MYOF: variants seen among roughly 807,000 people sequenced by gnomAD.
The protein encoded by MYOF is fer-1-like 3, myoferlin.
Under a neutral mutation model 284.2 loss-of-function variants are expected in MYOF, and 244 were observed. That is an observed-to-expected ratio of 0.86 (90% confidence interval 0.77 to 0.95). The LOEUF is 0.95. Ranked by LOEUF, MYOF falls within the 40% of genes least tolerant of loss-of-function variation. MYOF has a pLI of 0.00. For synonymous variants in MYOF, 904 were observed against 919.7 expected (o/e 0.98, Z 0.31); for missense variants, 2,496 against 2,560.6 (o/e 0.97, Z 0.54).
intron 1 of MYOF, 41 bp from the exon 2 acceptor site, chr10:93,456,978 A>C (rs765751553): frequency 1.2e-5 from 18 of 1,503,716 alleles, no homozygotes; most frequent in Admixed American, 7.3e-5. Context: ...TCATTTATAA[A>C]AAAATTAAAG....
chr10:93,336,964 G>C (rs904565763), intron 40 of MYOF, among the ~76,000 whole-genome samples: 1 of 150,824 alleles, frequency 6.6e-6, no homozygotes, highest in Non-Finnish European at 1.5e-5. Flanking sequence ...AGACAGGCAG[G>C]CAGGAGGAAA....
rs73319687 is a variant in MYOF, at chr10:93,402,809, T to C, written c.874+51A>G. ...TTGATTCTTAGAATCATCTTCAGAG[T>C]TAGAAGGAATGAATTTAAGACTTCA... On this transcript the variant is annotated intron_variant, in intron 10 of 53. Transcript: ENST00000359263. The C allele has an allele frequency of 4.6e-4, 697 of 1,510,768 alleles. 4 individuals carry two copies. In the African/African-American group the frequency reaches 8.5e-3, roughly 18 times the overall value. 93.6% of individuals were successfully genotyped at this position (1,510,768 alleles called of 1,614,324 possible).
chr10:93,380,957 T>C (rs1183518221), intron 20 of MYOF, among the ~76,000 whole-genome samples: 2 of 152,196 alleles, frequency 1.3e-5, no homozygotes, highest in Non-Finnish European at 2.9e-5. Flanking sequence ...GGGTCTTACA[T>C]GGCAAAACCA....
chr10:93,441,196 G>A (rs1467808868), intron 3 of MYOF, among the ~76,000 whole-genome samples: 1 of 152,004 alleles, frequency 6.6e-6, no homozygotes, highest in East Asian at 1.9e-4. Flanking sequence ...ATTTACATGG[G>A]GCAAGGTCAG....
At chr10:93,400,654 G>A (rs1169078105) in intron 12 of MYOF, among the ~76,000 whole-genome samples, 6 of 152,088 alleles carry the variant, frequency 3.9e-5, no homozygotes, top group Admixed American at 6.6e-5. Flanking sequence ...CCAGAGCCCA[G>A]CAGGAACCAG....
chr10:93,479,555 G>A (rs1387110537), intron 1 of MYOF, among the ~76,000 whole-genome samples: 1 of 152,088 alleles, frequency 6.6e-6, no homozygotes, highest in African/African-American at 2.4e-5. Flanking sequence ...CAGCACCTAA[G>A]GCAATGCATT....
chr10:93,316,659 C>T, intron 50 of MYOF, 55 bp downstream of exon 50: 1 of 1,444,932 alleles, frequency 6.9e-7, no homozygotes. Context: ...TTTCATTGAC[C>T]CCACTAATTC....
intron 1 of MYOF, among the ~76,000 whole-genome samples, chr10:93,468,765 G>T (rs932464487): frequency 6.6e-6 from 1 of 152,186 alleles, no homozygotes; most frequent in Non-Finnish European, 1.5e-5. Flanking sequence ...ACCTCTGGGC[G>T]CTTTAGCAAG....
chr10:93,364,017 C>T lies in MYOF; in HGVS notation c.2812G>A (p.Glu938Lys), dbSNP rs777103150. 5.6e-6 allele frequency: 9 copies of T among 1,614,074 alleles called. No homozygotes were observed. The highest frequency in any genetic ancestry group is 1.7e-5 in the Admixed American group (1 of 60,012). ...CAGTCGCCCCCGGGGTAGCGGCTCT[C>T]GTTCTGATAGACTTCATCAGTGAAC... ...TEFTDEVYQN[E>K]SRYPGGDWKP... The change falls in exon 27 of 54, where the codon GAG (glutamate) becomes AAG (lysine). Residue 938 changes from glutamate to lysine, a missense_variant. This residue lies in a region of MYOF where 2,436 missense variants were observed against 2,480.7 expected (regional missense o/e 0.98). Transcript: ENST00000359263.
At chr10:93,338,038 A>G in intron 39 of MYOF, 125 bp from the exon 40 acceptor site, 1 of 720,806 alleles carries the variant, frequency 1.4e-6, no homozygotes, top group Non-Finnish European at 2.4e-6. Context: ...GTGAGATTAT[A>G]TGACTTTTGT....
intron 1 of MYOF, among the ~76,000 whole-genome samples, chr10:93,470,621 C>T (rs562734322): frequency 1.1e-4 from 16 of 152,078 alleles, no homozygotes; most frequent in Non-Finnish European, 2.1e-4. Flanking sequence ...AGGCTGGTCT[C>T]GAACTCCTGA....
intron 5 of MYOF, among the ~76,000 whole-genome samples, chr10:93,418,899 G>A (rs552353086): frequency 1.3e-5 from 2 of 152,220 alleles, no homozygotes; most frequent in African/African-American, 4.8e-5. Context: ...ACTAGACAAA[G>A]CCACTTGATT....
Position 93,387,809 on chromosome 10 carries a change from C to T in MYOF, c.1686G>A (p.Leu562=), listed in dbSNP as rs1846460643. The change falls in exon 19 of 54, where the codon CTG becomes CTA. Residue 562 remains leucine, a synonymous_variant. Transcript: ENST00000359263. ...KKLEPISNDD[L]LVVEKYQRRR... ...CTTTAACATTTACCTCAACAACCAG[C>T]AGGTCATCATTTGAAATGGGCTCAA... The T allele has an allele frequency of 1.9e-6, 3 of 1,613,622 alleles. No individual in the cohort carries two copies. Among genetic ancestry groups the T allele is most frequent in the African/African-American group, 1.3e-5 (1 of 74,906 alleles).
chr10:93,366,633 A>T (rs1307498178), intron 25 of MYOF, 78 bp from the exon 26 acceptor site: 15 of 1,276,268 alleles, frequency 1.2e-5, no homozygotes, highest in South Asian at 1.0e-4. Context: ...TTTCAAGTTC[A>T]TCGAGGACTT....
chr10:93,309,608 A>G (rs1842296326), intron 53 of MYOF, among the ~76,000 whole-genome samples: 2 of 152,218 alleles, frequency 1.3e-5, no homozygotes, highest in Non-Finnish European at 2.9e-5. Flanking sequence ...AACACAAGGT[A>G]TATGTAGACC....
chr10:93,387,240 A>G (rs1420181652), intron 19 of MYOF, among the ~76,000 whole-genome samples: 2 of 152,190 alleles, frequency 1.3e-5, no homozygotes, highest in African/African-American at 2.4e-5. Flanking sequence ...GCTGGCGGTG[A>G]TTTGCAACCC....
At chr10:93,420,350 G>A (rs182275153) in intron 5 of MYOF, among the ~76,000 whole-genome samples, 153 of 152,326 alleles carry the variant, frequency 1.0e-3, no homozygotes, top group African/African-American at 3.6e-3. Flanking sequence ...CATGGTAACA[G>A]GTTTTCAGGT....
intron 25 of MYOF, among the ~76,000 whole-genome samples, chr10:93,368,078 T>G (rs1470669032): frequency 6.6e-6 from 1 of 151,864 alleles, no homozygotes; most frequent in Non-Finnish European, 1.5e-5. Flanking sequence ...CTTTCTCCAG[T>G]TTAGACCCAG....
chr10:93,364,079 T>TG lies in MYOF; in HGVS notation c.2754-5dup. ...TGCATCTGCCTCAGTCAGCAAGCTG[T>TG]GGGGCGGGGAGGGCTCAAGTTACCC... On this transcript the variant is annotated splice_polypyrimidine_tract_variant and splice_region_variant and intron_variant, in intron 26 of 53. Coordinates refer to ENST00000359263, the MANE Select transcript of MYOF (RefSeq NM_013451.4). The TG allele has an allele frequency of 6.2e-7, 1 of 1,613,648 alleles. No individual in the cohort carries two copies. Among genetic ancestry groups the TG allele is most frequent in the Non-Finnish European group, 8.5e-7 (1 of 1,179,744 alleles).
Sources: gnomAD v4.1 joint callset for allele counts (sites outside exome capture counted in the v4.1 genomes callset) on GRCh38, gnomAD v4.1.1 for gene constraint, gnomAD v4.1.1 regional missense constraint, MANE v1.5 for transcripts, NCBI Gene and HGNC (gene_info 2026-07-23, HGNC 2026-07-21) for gene names.